The following PDE1C variants were observed in gnomAD, a reference collection of about 807,000 sequenced individuals.
PDE1C encodes dual specificity calcium/calmodulin-dependent 3',5'-cyclic nucleotide phosphodiesterase 1C.
In PDE1C, 62 loss-of-function variants were observed where a neutral mutation model predicts 93.1. That is an observed-to-expected ratio of 0.67 (90% CI 0.54 to 0.82). The LOEUF is 0.82. Ranked by LOEUF, PDE1C falls within the 40% of genes least tolerant of loss-of-function variation. PDE1C has a pLI of 0.00. For synonymous variants in PDE1C, 325 were observed against 310.1 expected (o/e 1.05, Z -0.50); for missense variants, 742 against 884.6 (o/e 0.84, Z 2.04).
chr7:31,671,272 T>C, the PDE1C span, among the ~76,000 whole-genome samples: 7 of 152,262 alleles, frequency 4.6e-5, no homozygotes, highest in East Asian at 1.4e-3. Flanking sequence ...CCTCCGTAGA[T>C]TCTGCCACGG....
At chr7:32,075,731 A>G (rs1332450697), upstream of PDE1C, among the ~76,000 whole-genome samples, 1 of 152,132 alleles carries the variant, frequency 6.6e-6, no homozygotes, top group African/African-American at 2.4e-5. Context: ...GAAGACAAAG[A>G]GATAGAAGAG....
At chr7:31,623,373 G>A in the PDE1C span, among the ~76,000 whole-genome samples, 31 of 151,776 alleles carry the variant, frequency 2.0e-4, no homozygotes, top group South Asian at 1.5e-3. Context: ...CTGGCAAACC[G>A]AATCCAGCAG....
the PDE1C span, among the ~76,000 whole-genome samples, chr7:31,729,653 G>A: frequency 6.6e-6 from 1 of 152,164 alleles, no homozygotes; most frequent in Non-Finnish European, 1.5e-5. Flanking sequence ...GATTCACACT[G>A]AGAATGTTGA....
exon 1 of PDE1C, chr7:32,299,061 G>A: frequency 1.8e-6 from 2 of 1,120,038 alleles, no homozygotes; most frequent in Non-Finnish European, 2.2e-6. Context: ...ACCGGTGGGC[G>A]CGGAGATCCC....
At chr7:32,146,696 T>C (rs1800859295) in intron 3 of PDE1C, among the ~76,000 whole-genome samples, 1 of 152,184 alleles carries the variant, frequency 6.6e-6, no homozygotes, top group Admixed American at 6.5e-5. Flanking sequence ...GGAGGAATTA[T>C]TGTGCCAACC....
intron 1 of PDE1C, among the ~76,000 whole-genome samples, chr7:32,392,149 C>T (rs112699702): frequency 6.6e-5 from 10 of 152,086 alleles, no homozygotes; most frequent in African/African-American, 2.4e-4. Context: ...GAGAATATCA[C>T]TACCATCCTT....
chr7:31,902,458 A>C (rs1800103999), intron 2 of PDE1C, among the ~76,000 whole-genome samples: 1 of 151,776 alleles, frequency 6.6e-6, no homozygotes, highest in Non-Finnish European at 1.5e-5. Context: ...GCTTTTGTAA[A>C]TTGCTGATGG....
chr7:31,630,673 A>G, the PDE1C span, among the ~76,000 whole-genome samples: 15 of 152,182 alleles, frequency 9.9e-5, no homozygotes, highest in Non-Finnish European at 1.9e-4. Context: ...AAACAATAAG[A>G]CTAAATATAT....
chr7:32,397,010 A>G (rs1454528536), intron 1 of PDE1C, among the ~76,000 whole-genome samples: 1 of 152,216 alleles, frequency 6.6e-6, no homozygotes, highest in East Asian at 1.9e-4. Flanking sequence ...TAAAATTAAA[A>G]AACGAAACCA....
intron 15 of PDE1C, among the ~76,000 whole-genome samples, chr7:31,813,033 A>T (rs1454668889): frequency 6.6e-6 from 1 of 152,112 alleles, no homozygotes; most frequent in Admixed American, 6.6e-5. Context: ...CTTTTACATG[A>T]TTTAATGTAG....
chr7:31,789,597 TATAGA>T (rs1227024673), intron 16 of PDE1C: 1 of 872,378 alleles, frequency 1.1e-6, no homozygotes, highest in Non-Finnish European at 1.4e-6. Context: ...TAAAGATTCC[TATAGA>T]ATAATCTTTT....
intron 2 of PDE1C, among the ~76,000 whole-genome samples, chr7:32,049,073 T>C (rs1792996156): frequency 6.6e-6 from 1 of 152,200 alleles, no homozygotes; most frequent in Non-Finnish European, 1.5e-5. Flanking sequence ...CACCTCATAC[T>C]CCAGGTTAAC....
At chr7:32,010,561 G>T (rs1786935557) in intron 2 of PDE1C, among the ~76,000 whole-genome samples, 1 of 152,198 alleles carries the variant, frequency 6.6e-6, no homozygotes, top group Non-Finnish European at 1.5e-5. Context: ...AAATGTAGGA[G>T]AAAATCTCTG....
chr7:32,052,288 T>C (rs1351206330), intron 1 of PDE1C: 2 of 482,152 alleles, frequency 4.1e-6, no homozygotes, highest in South Asian at 1.5e-5. Flanking sequence ...TCATTTAGCC[T>C]TGGGCAAATC....
chr7:31,816,224 T>A, intron 14 of PDE1C, 70 bp from the exon 15 acceptor site: 1 of 1,393,272 alleles, frequency 7.2e-7, no homozygotes. Context: ...GAGAATGGCC[T>A]GTTTTAGTAC....
intron 16 of PDE1C, among the ~76,000 whole-genome samples, chr7:31,799,716 C>A (rs1179093297): frequency 6.6e-6 from 1 of 151,652 alleles, no homozygotes; most frequent in Non-Finnish European, 1.5e-5. Flanking sequence ...TACGCAATAA[C>A]CCTTTTGATC....
intron 2 of PDE1C, among the ~76,000 whole-genome samples, chr7:31,977,641 C>T (rs1380743534): frequency 1.3e-5 from 2 of 152,302 alleles, no homozygotes; most frequent in East Asian, 3.9e-4. Context: ...CTAATCACTA[C>T]TATCATAACA....
intron 1 of PDE1C, among the ~76,000 whole-genome samples, chr7:32,426,627 G>A (rs1388875750): frequency 6.6e-6 from 1 of 152,148 alleles, no homozygotes; most frequent in African/African-American, 2.4e-5. Flanking sequence ...GAGCTTAGCA[G>A]AACCCAGGTG....
At chr7:32,301,430 A>T (rs1326670384), upstream of PDE1C, among the ~76,000 whole-genome samples, 1 of 152,222 alleles carries the variant, frequency 6.6e-6, no homozygotes, top group Non-Finnish European at 1.5e-5. Flanking sequence ...TAACCTATGA[A>T]AATAATAAAA....
Sources: allele counts gnomAD v4.1 joint callset (sites outside exome capture counted in the v4.1 genomes callset), GRCh38; gene constraint gnomAD v4.1.1; transcripts MANE v1.5; gene names NCBI Gene and HGNC (gene_info 2026-07-23, HGNC 2026-07-21).